Variants in CNTNAP3 observed in about 807,000 individuals in gnomAD.
The protein encoded by CNTNAP3 is contactin-associated protein-like 3.
CNTNAP3 carries 36 observed loss-of-function variants against 92.1 expected under a neutral mutation model. The observed-to-expected ratio is 0.39, with a 90% CI of 0.30 to 0.52. The LOEUF is 0.52. Ranked by LOEUF, CNTNAP3 falls within the 20% of genes least tolerant of loss-of-function variation. The probability of loss-of-function intolerance (pLI) is 0.76; values close to 1 mark genes in which losing one functional copy is unlikely to be tolerated. For missense variants in CNTNAP3, 534 were observed against 1,069.6 expected (o/e 0.50, Z 6.98); for synonymous variants, 232 against 422.3 (o/e 0.55, Z 5.53).
Position 39,152,388 on chromosome 9 carries a change from A to C in CNTNAP3, c.1478-2411T>G, listed in dbSNP as rs897370008. Reference sequence around the variant, plus strand: ...TTAACATTTAACACCATATTTGTTTAAAAGTTTGAAGACTAAAATCTTTTA... The same window carrying C: ...TTAACATTTAACACCATATTTGTTTCAAAGTTTGAAGACTAAAATCTTTTA... On this transcript the variant is annotated intron_variant, in intron 9 of 23. Coordinates refer to ENST00000297668, the MANE Select transcript of CNTNAP3 (RefSeq NM_033655.5). Among the ~76,000 whole-genome samples the C allele has an allele frequency of 6.0e-5, 8 of 133,396 alleles. 1 individual carries two copies. The highest frequency in any genetic ancestry group is 1.5e-4 in the Admixed American group (2 of 13,310). The allele number at this position is 133,396 out of a possible 152,430, so 87.5% of individuals were successfully genotyped here. A position where few individuals can be genotyped will look rare whatever the true frequency, so the allele number is the denominator to read the frequency against.
intron 13 of CNTNAP3, among the ~76,000 whole-genome samples, chr9:39,122,921 A>G (rs1821066215): frequency 6.6e-6 from 1 of 152,170 alleles, no homozygotes; most frequent in South Asian, 2.1e-4. Context: ...ACAGAGATTA[A>G]AAGTAAAAAT....
intron 14 of CNTNAP3, among the ~76,000 whole-genome samples, chr9:39,113,063 T>A (rs1444682034): frequency 3.3e-5 from 5 of 152,152 alleles, no homozygotes; most frequent in Admixed American, 2.6e-4. Flanking sequence ...GGCTAATTTT[T>A]TTTTGTTATG....
At chr9:39,213,184 A>C (rs1343157745) in intron 3 of CNTNAP3, among the ~76,000 whole-genome samples, 49 of 4,128 alleles carry the variant, frequency 0.012, 22 homozygotes, top group African/African-American at 0.013. Flanking sequence ...AGGAGAGGAA[A>C]GGAGAGGAGA....
chr9:39,097,807 C>A (rs1418441661), intron 18 of CNTNAP3, among the ~76,000 whole-genome samples: 5 of 149,218 alleles, frequency 3.4e-5, no homozygotes, highest in Non-Finnish European at 7.4e-5. Flanking sequence ...ACTATTATTA[C>A]TGATTAATAA....
In CNTNAP3 at chr9:39,068,031, A is replaced by C. The variant is rs1488385098; in HGVS notation, c.*5859T>G. ...TTTGGGGGGGATGGGAGAAGTGAAG[A>C]GAAGAAAAATATTCTTTTTGTGTAA... On this transcript the variant is annotated 3_prime_UTR_variant, in exon 24 of 24. Coordinates refer to ENST00000297668, the MANE Select transcript of CNTNAP3 (RefSeq NM_033655.5). 2.0e-5 allele frequency among the ~76,000 whole-genome samples: 3 copies of C among 151,468 alleles called. No individual in the cohort carries two copies. Among genetic ancestry groups the C allele is most frequent in the Admixed American group, 2.0e-4 (3 of 15,232 alleles).
intron 17 of CNTNAP3, among the ~76,000 whole-genome samples, chr9:39,102,259 G>A (rs1261853316): frequency 1.3e-5 from 2 of 152,300 alleles, no homozygotes; most frequent in East Asian, 1.9e-4. Context: ...CAGCCTGGGC[G>A]ACACAGTGAG....
At chr9:39,108,124 T>A (rs556036572) in intron 15 of CNTNAP3, among the ~76,000 whole-genome samples, 11 of 152,194 alleles carry the variant, frequency 7.2e-5, no homozygotes, top group Non-Finnish European at 1.3e-4. Context: ...AATATTTGCA[T>A]TGGTTCCCCC....
chr9:39,134,131 C>T (rs903700358), intron 12 of CNTNAP3, among the ~76,000 whole-genome samples: 1 of 152,120 alleles, frequency 6.6e-6, no homozygotes, highest in African/African-American at 2.4e-5. Context: ...CTTACTGTTA[C>T]TTACACACGC....
rs1826681982 is a variant in CNTNAP3, at chr9:39,109,173, G to A, written c.2352C>T (p.Leu784=). ...GACACTACTTACGATCTCCGCGGCA[G>A]AGCAGTGGCCCCAGTGTATAAGCTG... ...SEAAYTLGPL[L]CRGDQSFWNS... The change falls in exon 15 of 24, where the codon CTC becomes CTT. Residue 784 remains leucine (L), a synonymous_variant. Coordinates refer to ENST00000297668, the MANE Select transcript of CNTNAP3 (RefSeq NM_033655.5). 3.1e-6 allele frequency: 5 copies of A among 1,612,676 alleles called. No individual in the cohort carries two copies. The South Asian group carries it at 3.3e-5, about 11-fold the overall frequency.
At chr9:39,150,007 G>A in intron 9 of CNTNAP3, 30 bp from the exon 10 acceptor site, 1 of 1,609,680 alleles carries the variant, frequency 6.2e-7, no homozygotes, top group Non-Finnish European at 8.5e-7. Context: ...TAGGACAAAA[G>A]CAACAACTAT....
intron 2 of CNTNAP3, among the ~76,000 whole-genome samples, chr9:39,251,148 CCT>C (rs1157251150): frequency 3.4e-4 from 2 of 5,968 alleles, no homozygotes; most frequent in African/African-American, 3.6e-4. Flanking sequence ...GGGCGAATCC[CCT>C]GAGGCCAGGA....
At chr9:39,179,288 C>T (rs1287486967) in intron 4 of CNTNAP3, among the ~76,000 whole-genome samples, 2 of 72,072 alleles carry the variant, frequency 2.8e-5, no homozygotes, top group African/African-American at 2.1e-4. Flanking sequence ...TCTCTCTCTA[C>T]ACACACACAC....
intron 14 of CNTNAP3, among the ~76,000 whole-genome samples, chr9:39,112,632 G>A (rs1299309803): frequency 1.3e-5 from 2 of 152,100 alleles, no homozygotes; most frequent in African/African-American, 4.8e-5. Flanking sequence ...CCAAAGTGCT[G>A]GGATAACAGG....
At chr9:39,125,964 A>G (rs1821144616) in intron 13 of CNTNAP3, among the ~76,000 whole-genome samples, 1 of 152,170 alleles carries the variant, frequency 6.6e-6, no homozygotes, top group African/African-American at 2.4e-5. Flanking sequence ...TGAACTGAAC[A>G]GCACCATCAA....
intron 14 of CNTNAP3, among the ~76,000 whole-genome samples, chr9:39,114,591 G>C (rs554170936): frequency 3.3e-5 from 5 of 152,044 alleles, no homozygotes; most frequent in Non-Finnish European, 7.4e-5. Flanking sequence ...CAACTTCACT[G>C]AGTGCTTATA....
chr9:39,148,848 A>T (rs1206795434), intron 10 of CNTNAP3, among the ~76,000 whole-genome samples: 1 of 152,096 alleles, frequency 6.6e-6, no homozygotes, highest in Non-Finnish European at 1.5e-5. Context: ...TTAATTTTTA[A>T]ATCTGTAGCA....
chr9:39,109,948 T>C (rs1320134842), intron 14 of CNTNAP3, among the ~76,000 whole-genome samples: 7 of 152,218 alleles, frequency 4.6e-5, no homozygotes, highest in Non-Finnish European at 8.8e-5. Context: ...TTAAAGTCCT[T>C]TTATGATTAC....
chr9:39,122,482 C>T (rs540050584), intron 13 of CNTNAP3, among the ~76,000 whole-genome samples: 19 of 152,194 alleles, frequency 1.2e-4, no homozygotes, highest in Non-Finnish European at 2.4e-4. Context: ...AATGAAAGAG[C>T]TGTCAATTTT....
At position 39,150,060 on chromosome 9, in the gene CNTNAP3, T is replaced by C. The variant is rs540790490; in HGVS notation, c.1478-83A>G. The C allele has an allele frequency of 1.6e-4, 155 of 943,216 alleles. No individual in the cohort carries two copies. In the African/African-American group the frequency reaches 2.4e-3, roughly 15 times the overall value. 58.4% of individuals were successfully genotyped at this position (943,216 alleles called of 1,614,324 possible). A position where few individuals can be genotyped will look rare whatever the true frequency, so the allele number is the denominator to read the frequency against. ...GTATTTACTATATGAAGACTGCTGC[T>C]CCCGCTTGTTTATGGACATCGGTAT... On this transcript the variant is annotated intron_variant, in intron 9 of 23. Coordinates refer to ENST00000297668, the MANE Select transcript of CNTNAP3 (RefSeq NM_033655.5).
Sources: allele counts gnomAD v4.1 joint callset (sites outside exome capture counted in the v4.1 genomes callset), GRCh38; gene constraint gnomAD v4.1.1; transcripts MANE v1.5; gene names NCBI Gene and HGNC (gene_info 2026-07-23, HGNC 2026-07-21).